MYCT1: variants seen among roughly 807,000 people sequenced by gnomAD.
MYCT1 encodes MYC target 1, also known as myc target protein 1.
Under a neutral mutation model 15.0 loss-of-function variants are expected in MYCT1, and 12 were observed. The observed-to-expected ratio is 0.80, with a 90% CI of 0.51 to 1.29. The LOEUF (loss-of-function observed/expected upper bound fraction) is 1.29, where lower values mean the gene tolerates loss of function less well. MYCT1 is among the 50% of genes most tolerant of loss of function. The pLI, the probability that MYCT1 is intolerant of heterozygous loss-of-function variation, is 0.00. For missense variants in MYCT1, 287 were observed against 279.1 expected (o/e 1.03, Z -0.20); for synonymous variants, 104 against 102.7 (o/e 1.01, Z -0.07).
At chr6:152,736,689 C>CT in the MYCT1 span, among the ~76,000 whole-genome samples, 424 of 151,976 alleles carry the variant, frequency 2.8e-3, 11 homozygotes, top group African/African-American at 9.8e-3. Context: ...TATTAATACA[C>CT]TTTTTTTTAA....
intron 1 of MYCT1, among the ~76,000 whole-genome samples, chr6:152,698,822 T>G (rs2099720857): frequency 6.6e-6 from 1 of 152,172 alleles, no homozygotes; most frequent in African/African-American, 2.4e-5. Context: ...GAGAATTTTT[T>G]GTCTGAGTCC....
rs1272192242 is a variant in MYCT1 at position 152,722,759 on chromosome 6, A to G, written c.*506A>G. 4.9e-6 allele frequency: 2 copies of G among 411,730 alleles called. No homozygotes were observed. Among genetic ancestry groups the G allele is most frequent in the Non-Finnish European group, 9.6e-6 (2 of 207,856 alleles). The allele number at this position is 411,730 out of a possible 1,614,324, so 25.5% of individuals were successfully genotyped here. ...GATTTTTCTTTTTTTTTCTTTTGAG[A>G]CAGGGTCTTGATCCGTCGCCCAGGC... On this transcript the variant is annotated 3_prime_UTR_variant, in exon 2 of 2. Transcript: ENST00000367245.
intron 1 of MYCT1, among the ~76,000 whole-genome samples, chr6:152,706,467 T>A (rs536718772): frequency 3.3e-5 from 5 of 152,196 alleles, no homozygotes; most frequent in Non-Finnish European, 7.4e-5. Flanking sequence ...AAATCAGGAT[T>A]TTGGTGCTTG....
chr6:152,742,855 ATC>A, the MYCT1 span, among the ~76,000 whole-genome samples: 1 of 152,186 alleles, frequency 6.6e-6, no homozygotes. Flanking sequence ...GGTCATTGAT[ATC>A]TGTTTCTAGA....
At chr6:152,740,259 A>G in the MYCT1 span, among the ~76,000 whole-genome samples, 1 of 152,120 alleles carries the variant, frequency 6.6e-6, no homozygotes, top group Non-Finnish European at 1.5e-5. Context: ...CATGTTGGTC[A>G]GGCTGGTCTT....
At chr6:152,712,723 A>T (rs1257249025) in intron 1 of MYCT1, among the ~76,000 whole-genome samples, 1 of 152,152 alleles carries the variant, frequency 6.6e-6, no homozygotes, top group African/African-American at 2.4e-5. Flanking sequence ...TTCTGAGTTG[A>T]CAGCTTTTTT....
intron 1 of MYCT1, among the ~76,000 whole-genome samples, chr6:152,702,758 A>G (rs2099721545): frequency 6.6e-6 from 1 of 152,194 alleles, no homozygotes; most frequent in Non-Finnish European, 1.5e-5. Flanking sequence ...TTCAATTTGT[A>G]TTTTAAAAAG....
At chr6:152,701,733 A>C (rs1477599388) in intron 1 of MYCT1, among the ~76,000 whole-genome samples, 1 of 152,128 alleles carries the variant, frequency 6.6e-6, no homozygotes, top group East Asian at 1.9e-4. Flanking sequence ...GAAATCTCCT[A>C]CTATAAAATC....
At chr6:152,719,276 C>G (rs2099724278) in intron 1 of MYCT1, among the ~76,000 whole-genome samples, 1 of 152,176 alleles carries the variant, frequency 6.6e-6, no homozygotes, top group Admixed American at 6.5e-5. Flanking sequence ...TAACAGGCTG[C>G]AAGATACTCT....
At chr6:152,702,691 A>C (rs2078104) in intron 1 of MYCT1, among the ~76,000 whole-genome samples, 57,688 of 152,054 alleles carry the variant, frequency 0.38, 11,664 homozygotes, top group East Asian at 0.62. Context: ...TGTCCCAAGA[A>C]TTTCCACTAT....
the MYCT1 span, among the ~76,000 whole-genome samples, chr6:152,747,020 C>T: frequency 1.3e-5 from 2 of 151,818 alleles, no homozygotes; most frequent in African/African-American, 4.8e-5. Context: ...GGAAAATTTA[C>T]CTTTATTGTA....
intron 1 of MYCT1, among the ~76,000 whole-genome samples, chr6:152,718,509 G>T (rs1297425994): frequency 6.6e-6 from 1 of 152,106 alleles, no homozygotes; most frequent in Non-Finnish European, 1.5e-5. Flanking sequence ...GCCTCGCAAA[G>T]TGCTGGGATT....
chr6:152,724,247 T>TG lies in MYCT1; in HGVS notation c.*1994_*1995insG, dbSNP rs2099725221. The TG allele has an allele frequency of 6.6e-6, 1 of 151,746 alleles. No homozygotes were observed. The highest frequency in any genetic ancestry group is 2.4e-5 in the African/African-American group (1 of 41,332). 9.4% of individuals were successfully genotyped at this position (151,746 alleles called of 1,614,324 possible). On this transcript the variant is annotated 3_prime_UTR_variant, in exon 2 of 2. Transcript: ENST00000367245. ...TATCAGGGCTACTTTTTTTTTTTTT[T>TG]TTTTACTTGCATGTCATCCTTAATG...
At chr6:152,715,187 T>A (rs1339460220) in intron 1 of MYCT1, among the ~76,000 whole-genome samples, 1 of 152,200 alleles carries the variant, frequency 6.6e-6, no homozygotes, top group East Asian at 1.9e-4. Flanking sequence ...ATAGTTTTGA[T>A]AAGTCTCTGA....
At chr6:152,737,795 A>G in the MYCT1 span, among the ~76,000 whole-genome samples, 1 of 152,180 alleles carries the variant, frequency 6.6e-6, no homozygotes, top group Non-Finnish European at 1.5e-5. Context: ...AGAGGCATCC[A>G]GAGCAGCTAA....
rs914205652 is a variant in MYCT1 at position 152,723,145 on chromosome 6, T to C, written c.*892T>C. On this transcript the variant is annotated 3_prime_UTR_variant, in exon 2 of 2. Coordinates refer to ENST00000367245, the MANE Select transcript of MYCT1 (RefSeq NM_025107.3). ...TCAAGCACAGGAAACTGAACTCTTT[T>C]GGTGTCATTGGATGTTTCATTTTTG... is the stretch of plus-strand genomic sequence containing the variant. 6.6e-6 allele frequency: 1 copy of C among 152,246 alleles called. No homozygotes were observed. Among genetic ancestry groups the C allele is most frequent in the Non-Finnish European group, 1.5e-5 (1 of 68,066 alleles). The allele number at this position is 152,246 out of a possible 1,614,324, so 9.4% of individuals were successfully genotyped here.
intron 1 of MYCT1, among the ~76,000 whole-genome samples, chr6:152,707,947 T>C (rs1026557815): frequency 1.8e-4 from 28 of 152,206 alleles, no homozygotes; most frequent in African/African-American, 5.1e-4. Context: ...CTTCCAGCTT[T>C]GCTTTTATTG....
Position 152,722,141 on chromosome 6 carries a change from C to A in MYCT1, c.596C>A (p.Ser199Tyr). The A allele has an allele frequency of 6.2e-7, 1 of 1,614,212 alleles. No individual in the cohort carries two copies. Among genetic ancestry groups the A allele is most frequent in the South Asian group, 1.1e-5 (1 of 91,084 alleles). Residue 199 changes from serine (S) to tyrosine (Y), a missense_variant, in exon 2 of 2, where the codon TCC becomes TAC. Physicochemically the swap from Ser to Tyr is moderately radical, Grantham distance 144. Coordinates refer to ENST00000367245, the MANE Select transcript of MYCT1 (RefSeq NM_025107.3). ...AATATCTCTCCCACCATCAGCACTTCCCACAGTCTGAGCCGTCCTGACTAC... is the reference window on the plus strand; with the variant it reads ...AATATCTCTCCCACCATCAGCACTTACCACAGTCTGAGCCGTCCTGACTAC... ...SSNISPTIST[S>Y]HSLSRPDYWS...
intron 1 of MYCT1, among the ~76,000 whole-genome samples, chr6:152,704,958 C>T (rs1461363536): frequency 1.3e-5 from 2 of 152,114 alleles, no homozygotes; most frequent in Non-Finnish European, 2.9e-5. Flanking sequence ...GGGCTCCAAG[C>T]TCCTGCGCAA....
Sources: gnomAD v4.1 joint callset for allele counts (sites outside exome capture counted in the v4.1 genomes callset) on GRCh38, gnomAD v4.1.1 for gene constraint, MANE v1.5 for transcripts, NCBI Gene and HGNC (gene_info 2026-07-23, HGNC 2026-07-21) for gene names.